The following SNTG2 variants were observed in gnomAD, a reference collection of about 807,000 sequenced individuals.
The protein encoded by SNTG2 is syntrophin gamma 2, also known as gamma-2-syntrophin.
A neutral mutation model predicts 70.9 loss-of-function variants in SNTG2; 74 were observed. The ratio of observed to expected loss-of-function variants is 1.04; its 90% confidence interval spans 0.86 to 1.27. The LOEUF is 1.27. Ranked by LOEUF, SNTG2 falls within the 50% of genes most tolerant of loss-of-function variation. SNTG2 has a pLI of 0.00. For synonymous variants in SNTG2, 278 were observed against 273.8 expected (o/e 1.02, Z -0.15); for missense variants, 717 against 690.7 (o/e 1.04, Z -0.43).
intron 1 of SNTG2, among the ~76,000 whole-genome samples, chr2:1,030,976 G>A (rs1405482570): frequency 6.6e-6 from 1 of 152,182 alleles, no homozygotes; most frequent in East Asian, 1.9e-4. Flanking sequence ...CTTTAAGCAA[G>A]TGGTAGTTAG....
chr2:1,318,680 A>G (rs1315649721), intron 16 of SNTG2, among the ~76,000 whole-genome samples: 1 of 152,220 alleles, frequency 6.6e-6, no homozygotes, highest in Non-Finnish European at 1.5e-5. Context: ...TCCATCTGGT[A>G]TTTCACTGGC....
intron 14 of SNTG2, among the ~76,000 whole-genome samples, chr2:1,304,582 C>A (rs1365536185): frequency 6.6e-6 from 1 of 151,952 alleles, no homozygotes; most frequent in African/African-American, 2.4e-5. Context: ...AAAAAATAGG[C>A]GGGCATGGTG....
At chr2:1,363,316 C>G (rs1271128457) in intron 16 of SNTG2, among the ~76,000 whole-genome samples, 1 of 152,220 alleles carries the variant, frequency 6.6e-6, no homozygotes, top group Non-Finnish European at 1.5e-5. Context: ...AAAACAACTT[C>G]TGTAACCTCC....
chr2:1,212,748 C>T (rs1015598342), intron 9 of SNTG2, among the ~76,000 whole-genome samples: 1 of 152,144 alleles, frequency 6.6e-6, no homozygotes, highest in African/African-American at 2.4e-5. Context: ...CCTGTAAGCT[C>T]CTCAGGTCTC....
intron 10 of SNTG2, among the ~76,000 whole-genome samples, chr2:1,238,660 C>T (rs554463845): frequency 1.6e-4 from 25 of 152,318 alleles, no homozygotes; most frequent in Middle Eastern, 3.4e-3. Context: ...GAGCCGTGGC[C>T]GCAGCCCTGG....
intron 1 of SNTG2, among the ~76,000 whole-genome samples, chr2:996,673 G>GTTTTTATTTTTTTTTT (rs1661690738): frequency 2.8e-5 from 1 of 35,114 alleles, no homozygotes; most frequent in Non-Finnish European, 4.9e-5. Flanking sequence ...GAGTTACCCA[G>GTTTTTATTTTTTTTTT]TTTTTTTTTT....
At chr2:1,016,075 A>C (rs1659881881) in intron 1 of SNTG2, among the ~76,000 whole-genome samples, 1 of 152,136 alleles carries the variant, frequency 6.6e-6, no homozygotes, top group South Asian at 2.1e-4. Flanking sequence ...AAAATGGATT[A>C]ATTGGGGCTA....
At chr2:1,288,323 A>T (rs1354471977) in intron 14 of SNTG2, among the ~76,000 whole-genome samples, 1 of 152,178 alleles carries the variant, frequency 6.6e-6, no homozygotes, top group African/African-American at 2.4e-5. Flanking sequence ...GCTACTTTTC[A>T]TCAGGCACAA....
intron 12 of SNTG2, among the ~76,000 whole-genome samples, chr2:1,253,718 A>G (rs1677891872): frequency 1.3e-5 from 2 of 152,156 alleles, no homozygotes; most frequent in Non-Finnish European, 2.9e-5. Context: ...GGTAGTTTAT[A>G]AAGAAAAGAG....
chr2:1,314,889 C>T (rs1224420161), intron 15 of SNTG2, among the ~76,000 whole-genome samples: 1 of 152,118 alleles, frequency 6.6e-6, no homozygotes, highest in Non-Finnish European at 1.5e-5. Context: ...TCATGTGAGA[C>T]TTAGTCACTG....
chr2:1,328,424 C>T (rs535149732), intron 16 of SNTG2, among the ~76,000 whole-genome samples: 2 of 152,288 alleles, frequency 1.3e-5, no homozygotes, highest in South Asian at 4.2e-4. Context: ...TGTCCACCCA[C>T]AACTCTGGGG....
intron 2 of SNTG2, among the ~76,000 whole-genome samples, chr2:1,096,862 G>A (rs1221794365): frequency 1.3e-5 from 2 of 152,144 alleles, no homozygotes; most frequent in African/African-American, 4.8e-5. Flanking sequence ...TACTGAGAAT[G>A]TGGATGCAAT....
chr2:1,243,913 C>T (rs1677217957), intron 11 of SNTG2, among the ~76,000 whole-genome samples: 1 of 152,232 alleles, frequency 6.6e-6, no homozygotes, highest in Non-Finnish European at 1.5e-5. Flanking sequence ...GTAATCCCAG[C>T]TACCTGGGAG....
intron 8 of SNTG2, among the ~76,000 whole-genome samples, chr2:1,181,533 C>T (rs1671898968): frequency 6.6e-6 from 1 of 152,192 alleles, no homozygotes; most frequent in Admixed American, 6.5e-5. Flanking sequence ...GGAATGGTTT[C>T]TGTCTTTACA....
chr2:1,133,696 CTTTTTAATTT>C lies in SNTG2; in HGVS notation c.326-3918_326-3909del, dbSNP rs1668170345. On this transcript the variant is annotated intron_variant, in intron 4 of 16. Transcript: ENST00000308624. Reference sequence around the variant, plus strand: ...TTTTATTTTATCACCCATTTTACCACTTTTTAATTTTTTTTAAGGCTAAAAGTGTCCGTCA... The same window carrying C: ...TTTTATTTTATCACCCATTTTACCACTTTTTAAGGCTAAAAGTGTCCGTCA... Among the ~76,000 whole-genome samples, 5 of 95,162 alleles carry C rather than the reference CTTTTTAATTT, an allele frequency of 5.3e-5. No homozygotes were observed. The South Asian group carries it at 2.0e-3, about 38-fold the overall frequency. 62.4% of individuals were successfully genotyped at this position (95,162 alleles called of 152,430 possible).
Position 1,057,775 on chromosome 2 carries a change from CTAAA to C in SNTG2, c.73-25741_73-25738del, listed in dbSNP as rs567825720. The stretch of plus-strand genomic sequence containing the variant: ...CACAAGTGGCAAAATATAAATGCCT[CTAAA>C]TGTGCACAGGATCTTTCTATATTTA... On this transcript the variant is annotated intron_variant, in intron 1 of 16. Coordinates refer to ENST00000308624, the MANE Select transcript of SNTG2 (RefSeq NM_018968.4). Among the ~76,000 whole-genome samples, 79 of 152,264 alleles carry C rather than the reference CTAAA, an allele frequency of 5.2e-4. 1 individual carries two copies. The highest frequency in any genetic ancestry group is 1.9e-3 in the African/African-American group (78 of 41,546).
chr2:1,075,515 C>A (rs532769233), intron 1 of SNTG2, among the ~76,000 whole-genome samples: 1 of 152,328 alleles, frequency 6.6e-6, no homozygotes, highest in East Asian at 1.9e-4. Context: ...AAAGAAAATG[C>A]ATGCTCAGGT....
At chr2:1,064,240 A>G (rs1180183306) in intron 1 of SNTG2, among the ~76,000 whole-genome samples, 1 of 152,094 alleles carries the variant, frequency 6.6e-6, no homozygotes, top group African/African-American at 2.4e-5. Flanking sequence ...GAAGTAAAAT[A>G]AAAAGATTAA....
intron 1 of SNTG2, among the ~76,000 whole-genome samples, chr2:1,067,920 C>A (rs1572351527): frequency 6.6e-6 from 1 of 152,246 alleles, no homozygotes; most frequent in African/African-American, 2.4e-5. Context: ...GTCCCACAGT[C>A]CTTGGACTCC....
Sources: gnomAD v4.1 joint callset for allele counts (sites outside exome capture counted in the v4.1 genomes callset) on GRCh38, gnomAD v4.1.1 for gene constraint, MANE v1.5 for transcripts, NCBI Gene and HGNC (gene_info 2026-07-23, HGNC 2026-07-21) for gene names.